Variants in ASTN2 observed in about 807,000 individuals in gnomAD.
The protein encoded by ASTN2 is astrotactin-2.
ASTN2 carries 54 observed loss-of-function variants against 139.8 expected under a neutral mutation model. The ratio of observed to expected loss-of-function variants is 0.39; its 90% CI spans 0.31 to 0.48. The LOEUF is 0.48. Ranked by LOEUF, ASTN2 falls within the 20% of genes least tolerant of loss-of-function variation. The pLI, the probability that ASTN2 is intolerant of heterozygous loss-of-function variation, is 0.95. For missense variants in ASTN2, 1,565 were observed against 1,725.1 expected (o/e 0.91, Z 1.64); for synonymous variants, 756 against 719.5 (o/e 1.05, Z -0.81).
chr9:116,446,401 TC>T (rs1456956628), intron 20 of ASTN2, among the ~76,000 whole-genome samples: 1 of 152,032 alleles, frequency 6.6e-6, no homozygotes, highest in African/African-American at 2.4e-5. Flanking sequence ...AGGCTGAGGT[TC>T]ACTGATAATT....
chr9:117,353,040 T>G (rs189429111), intron 1 of ASTN2, among the ~76,000 whole-genome samples: 1 of 152,226 alleles, frequency 6.6e-6, no homozygotes, highest in Non-Finnish European at 1.5e-5. Context: ...TGCTTAATGA[T>G]TGCAGAGAGT....
intron 2 of ASTN2, among the ~76,000 whole-genome samples, chr9:117,274,223 G>A (rs1419413266): frequency 6.6e-6 from 1 of 152,120 alleles, no homozygotes; most frequent in Non-Finnish European, 1.5e-5. Flanking sequence ...GGTGACATGT[G>A]CCTGTAATCC....
intron 7 of ASTN2, among the ~76,000 whole-genome samples, chr9:117,007,418 A>G (rs1002754423): frequency 6.6e-6 from 1 of 152,174 alleles, no homozygotes; most frequent in Non-Finnish European, 1.5e-5. Flanking sequence ...GTGGCTATGG[A>G]ACACTTGAAA....
intron 11 of ASTN2, among the ~76,000 whole-genome samples, chr9:116,834,884 C>A (rs1831937060): frequency 6.6e-6 from 1 of 152,080 alleles, no homozygotes; most frequent in Non-Finnish European, 1.5e-5. Context: ...CCTATCTTTT[C>A]AAAAAATTGT....
In ASTN2 at chr9:117,413,357, C is replaced by A. The variant is rs566947056; in HGVS notation, c.442+1140G>T. ...CCTGCGGTGCCCGAGGCGGATCCCGCCGAGGAAAAGACCCGGGGAAGAAGA... is the reference window on the plus strand; with the variant it reads ...CCTGCGGTGCCCGAGGCGGATCCCGACGAGGAAAAGACCCGGGGAAGAAGA... On this transcript the variant is annotated intron_variant, in intron 1 of 22. Transcript: ENST00000313400. Among the ~76,000 whole-genome samples, 414 of 152,326 alleles carry A rather than the reference C, an allele frequency of 2.7e-3. 2 individuals carry two copies. The highest frequency in any genetic ancestry group is 9.3e-3 in the African/African-American group (386 of 41,578).
In ASTN2 at chr9:117,207,831, G is replaced by A. The variant is rs562127894; in HGVS notation, c.1015+6527C>T. Reference sequence around the variant, plus strand: ...GCCCAGTGAGCCCAATCCTGGCAAAGCTGCACCACCATCACCACAAACTCT... The same window carrying A: ...GCCCAGTGAGCCCAATCCTGGCAAAACTGCACCACCATCACCACAAACTCT... On this transcript the variant is annotated intron_variant, in intron 3 of 22. Coordinates refer to ENST00000313400, the MANE Select transcript of ASTN2 (RefSeq NM_001365068.1). Among the ~76,000 whole-genome samples the A allele has an allele frequency of 6.6e-5, 10 of 152,306 alleles. No homozygotes were observed. In the South Asian group the frequency reaches 2.1e-3, roughly 32 times the overall value.
intron 4 of ASTN2, among the ~76,000 whole-genome samples, chr9:117,111,892 T>C (rs934367250): frequency 2.0e-5 from 3 of 152,134 alleles, no homozygotes; most frequent in African/African-American, 2.4e-5. Flanking sequence ...TTTATAAAAG[T>C]AAGCACAAAG....
chr9:116,501,050 C>CA (rs988120237), intron 19 of ASTN2, among the ~76,000 whole-genome samples: 3 of 152,142 alleles, frequency 2.0e-5, no homozygotes, highest in Non-Finnish European at 2.9e-5. Flanking sequence ...ATATACACCT[C>CA]AAAGCCTGCC....
chr9:116,860,453 T>C (rs545824940), intron 11 of ASTN2, among the ~76,000 whole-genome samples: 11 of 152,332 alleles, frequency 7.2e-5, no homozygotes, highest in Non-Finnish European at 1.5e-4. Context: ...TTTGTTTTTG[T>C]TTTTAGAAAA....
At chr9:117,165,854 A>C (rs983606650) in intron 3 of ASTN2, among the ~76,000 whole-genome samples, 1 of 152,092 alleles carries the variant, frequency 6.6e-6, no homozygotes, top group Non-Finnish European at 1.5e-5. Flanking sequence ...CTAAATGTAA[A>C]ACATCTATTA....
intron 3 of ASTN2, among the ~76,000 whole-genome samples, chr9:117,171,736 C>T (rs755635549): frequency 6.6e-6 from 1 of 152,018 alleles, no homozygotes. Context: ...TCTTCACCTT[C>T]GGCCATAATT....
At chr9:117,277,954 A>G (rs1325748873) in intron 2 of ASTN2, among the ~76,000 whole-genome samples, 3 of 152,242 alleles carry the variant, frequency 2.0e-5, no homozygotes, top group Non-Finnish European at 4.4e-5. Context: ...TGTGGAAAAC[A>G]TAGACACAAA....
intron 4 of ASTN2, among the ~76,000 whole-genome samples, chr9:117,129,603 A>G (rs911778489): frequency 1.3e-5 from 2 of 152,154 alleles, no homozygotes; most frequent in African/African-American, 2.4e-5. Flanking sequence ...TTTCTATATT[A>G]TTATTAGTAG....
In ASTN2 at chr9:116,565,385, CTCCATATATATATATATATATA is replaced by C. The variant is rs1264735487; in HGVS notation, c.3355+52917_3355+52938del. Among the ~76,000 whole-genome samples, 12 of 30,752 alleles carry C rather than the reference CTCCATATATATATATATATATA, an allele frequency of 3.9e-4. 1 individual carries two copies. Among genetic ancestry groups the C allele is most frequent in the African/African-American group, 8.0e-4 (5 of 6,264 alleles). 20.2% of individuals were successfully genotyped at this position (30,752 alleles called of 152,430 possible). ...TCTCTCTCTCTCTCTCTCTCTCTCT[CTCCATATATATATATATATATA>C]TATATATATATATATATATATATTT... On this transcript the variant is annotated intron_variant, in intron 19 of 22. Coordinates refer to ENST00000313400, the MANE Select transcript of ASTN2 (RefSeq NM_001365068.1).
intron 13 of ASTN2, among the ~76,000 whole-genome samples, chr9:116,789,920 CTTTTTTTTTTT>C (rs57433960): frequency 1.1e-5 from 1 of 93,338 alleles, no homozygotes; most frequent in African/African-American, 4.2e-5. Context: ...TTCTCTTTCT[CTTTTTTTTTTT>C]TTTTTTTTTT....
intron 1 of ASTN2, among the ~76,000 whole-genome samples, chr9:117,409,661 G>C (rs1424205387): frequency 6.6e-6 from 1 of 152,030 alleles, no homozygotes; most frequent in African/African-American, 2.4e-5. Context: ...TTAGGGACAG[G>C]GTCTCCCCCT....
chr9:116,489,561 T>A (rs893362905), intron 19 of ASTN2, among the ~76,000 whole-genome samples: 1 of 152,174 alleles, frequency 6.6e-6, no homozygotes, highest in African/African-American at 2.4e-5. Context: ...GGTCTCAAAC[T>A]ACTGAGCCTT....
At chr9:117,266,970 T>C (rs1833951047) in intron 2 of ASTN2, among the ~76,000 whole-genome samples, 1 of 152,110 alleles carries the variant, frequency 6.6e-6, no homozygotes, top group Non-Finnish European at 1.5e-5. Context: ...TTCTAAATAA[T>C]AGAGTGTGGA....
intron 17 of ASTN2, among the ~76,000 whole-genome samples, chr9:116,648,197 T>G (rs1857706624): frequency 6.6e-6 from 1 of 152,056 alleles, no homozygotes; most frequent in Non-Finnish European, 1.5e-5. Flanking sequence ...AGATGGGGTT[T>G]CACCATGTTG....
Sources: allele counts gnomAD v4.1 joint callset (sites outside exome capture counted in the v4.1 genomes callset), GRCh38; gene constraint gnomAD v4.1.1; transcripts MANE v1.5; gene names NCBI Gene and HGNC (gene_info 2026-07-23, HGNC 2026-07-21).